The following BCAS4 variants were observed in gnomAD, a reference collection of about 807,000 sequenced individuals.
The protein encoded by BCAS4 is breast carcinoma-amplified sequence 4.
A neutral mutation model predicts 15.7 loss-of-function variants in BCAS4; 9 were observed. The ratio of observed to expected loss-of-function variants is 0.57; its 90% CI spans 0.34 to 1.00. The LOEUF is 1.00. Ranked by LOEUF, BCAS4 falls within the 50% of genes least tolerant of loss-of-function variation. BCAS4 has a pLI of 0.02. For missense variants in BCAS4, 225 were observed against 239.1 expected (o/e 0.94, Z 0.39); for synonymous variants, 101 against 99.5 (o/e 1.02, Z -0.09).
intron 1 of BCAS4, among the ~76,000 whole-genome samples, chr20:50,799,181 G>C (rs1237770225): frequency 1.3e-5 from 2 of 152,154 alleles, no homozygotes; most frequent in African/African-American, 2.4e-5. Flanking sequence ...CTAAGCCCCA[G>C]CTTCATTTTG....
At chr20:50,850,015 C>A (rs1220852184) in intron 4 of BCAS4, among the ~76,000 whole-genome samples, 2 of 152,180 alleles carry the variant, frequency 1.3e-5, no homozygotes, top group East Asian at 3.9e-4. Context: ...CTGCAGCCAG[C>A]ATAGCCCCAG....
At chr20:50,820,151 T>G (rs375538353) in intron 2 of BCAS4, among the ~76,000 whole-genome samples, 3 of 152,214 alleles carry the variant, frequency 2.0e-5, no homozygotes, top group Non-Finnish European at 4.4e-5. Flanking sequence ...CCGGCTGCAT[T>G]GGGCACTTTC....
chr20:50,822,341 A>C (rs1383051262), intron 2 of BCAS4, among the ~76,000 whole-genome samples: 1 of 152,232 alleles, frequency 6.6e-6, no homozygotes, highest in African/African-American at 2.4e-5. Flanking sequence ...GCAGTTACAC[A>C]GCCCAGCCAG....
intron 1 of BCAS4, among the ~76,000 whole-genome samples, chr20:50,814,080 T>TGGGCATGG (rs999445454): frequency 6.6e-6 from 1 of 152,174 alleles, no homozygotes; most frequent in Non-Finnish European, 1.5e-5. Context: ...GGATGATTTG[T>TGGGCATGG]GGGCATGGTG....
At chr20:50,827,985 C>G (rs1014366568) in intron 2 of BCAS4, among the ~76,000 whole-genome samples, 1 of 152,066 alleles carries the variant, frequency 6.6e-6, no homozygotes, top group African/African-American at 2.4e-5. Context: ...ACCTTGGCCT[C>G]CCGAACTGCT....
Position 50,812,282 on chromosome 20 carries a change from A to G in BCAS4, c.91-5929A>G, listed in dbSNP as rs1053091048. On this transcript the variant is annotated intron_variant, in intron 1 of 4. Transcript: ENST00000371608. ...CGAGTAGCTGGGACTACAGGCGCCC[A>G]CTACCACGCCCGGCTAATTTTTTGT... Among the ~76,000 whole-genome samples, 61 of 151,518 alleles carry G rather than the reference A, an allele frequency of 4.0e-4. 1 individual carries two copies. In the East Asian group the frequency reaches 0.011, roughly 26 times the overall value.
chr20:50,801,225 G>A (rs186698840), intron 1 of BCAS4, among the ~76,000 whole-genome samples: 12 of 152,196 alleles, frequency 7.9e-5, no homozygotes, highest in East Asian at 1.9e-4. Flanking sequence ...GCAGGAGTTC[G>A]AGACCAGGAT....
At chr20:50,848,613 C>G (rs961158504) in intron 4 of BCAS4, among the ~76,000 whole-genome samples, 1 of 152,196 alleles carries the variant, frequency 6.6e-6, no homozygotes, top group Admixed American at 6.5e-5. Flanking sequence ...GGGACTTGGC[C>G]AAATTTGCTT....
At chr20:50,823,316 G>A (rs148461893) in intron 2 of BCAS4, among the ~76,000 whole-genome samples, 1,750 of 152,118 alleles carry the variant, frequency 0.012, 22 homozygotes, top group Non-Finnish European at 0.02. Flanking sequence ...CTCCAGCCTC[G>A]GTGACAGAGT....
chr20:50,862,866 G>A (rs1568683580), intron 4 of BCAS4, among the ~76,000 whole-genome samples: 1 of 152,100 alleles, frequency 6.6e-6, no homozygotes, highest in Non-Finnish European at 1.5e-5. Flanking sequence ...TTGAGGCAGA[G>A]TCTCACTCTG....
downstream of BCAS4, chr20:50,881,359 A>G (rs1980113879): frequency 6.6e-6 from 1 of 152,234 alleles, no homozygotes. Flanking sequence ...TGGCAAAACC[A>G]ACGGAAAACT....
In BCAS4 at chr20:50,825,770, G is replaced by A. The variant is rs558598290; in HGVS notation, c.163-4509G>A. Among the ~76,000 whole-genome samples the A allele has an allele frequency of 3.9e-5, 6 of 152,176 alleles. No individual in the cohort carries two copies. In the East Asian group the frequency reaches 9.7e-4, roughly 25 times the overall value. The stretch of plus-strand genomic sequence containing the variant: ...CAGGTGCTTGTAATCCCAGCTACTC[G>A]GGAGGCTGAGGCAAGAGAATCACTT... On this transcript the variant is annotated intron_variant, in intron 2 of 4. Transcript: ENST00000371608.
chr20:50,858,428 C>A (rs1006841412), intron 4 of BCAS4, among the ~76,000 whole-genome samples: 1 of 151,614 alleles, frequency 6.6e-6, no homozygotes, highest in Non-Finnish European at 1.5e-5. Context: ...ATGGTGAAAC[C>A]CTGTCTGTAC....
chr20:50,839,106 C>A (rs1414882855), intron 3 of BCAS4, among the ~76,000 whole-genome samples: 1 of 152,230 alleles, frequency 6.6e-6, no homozygotes, highest in African/African-American at 2.4e-5. Flanking sequence ...GCAGCCAGCA[C>A]TGAGGTGTCC....
At chr20:50,828,897 A>T (rs2088310175) in intron 2 of BCAS4, among the ~76,000 whole-genome samples, 1 of 151,928 alleles carries the variant, frequency 6.6e-6, no homozygotes, top group South Asian at 2.1e-4. Context: ...CCGCCTCCAC[A>T]CTCCACGCCA....
At chr20:50,852,131 C>G (rs540320589) in intron 4 of BCAS4, among the ~76,000 whole-genome samples, 2 of 152,192 alleles carry the variant, frequency 1.3e-5, no homozygotes, top group Non-Finnish European at 2.9e-5. Context: ...GTGAGGAAAC[C>G]GAGGATCAGA....
chr20:50,835,761 C>G (rs184604290), intron 3 of BCAS4, among the ~76,000 whole-genome samples: 312 of 152,166 alleles, frequency 2.1e-3, no homozygotes, highest in Non-Finnish European at 3.6e-3. Context: ...GGCTGAGTGG[C>G]ACTCACCTCC....
intron 4 of BCAS4, among the ~76,000 whole-genome samples, chr20:50,848,949 C>T (rs577216579): frequency 2.6e-5 from 4 of 152,260 alleles, no homozygotes; most frequent in South Asian, 2.1e-4. Flanking sequence ...CGCCTGCTTG[C>T]GGAGGGCCCC....
At chr20:50,870,287 G>A (rs1254357315) in intron 4 of BCAS4, among the ~76,000 whole-genome samples, 3 of 152,222 alleles carry the variant, frequency 2.0e-5, no homozygotes. Context: ...GGAGATGCGG[G>A]TGGGCCCAGA....
Sources: allele counts gnomAD v4.1 joint callset (sites outside exome capture counted in the v4.1 genomes callset), GRCh38; gene constraint gnomAD v4.1.1; transcripts MANE v1.5; gene names NCBI Gene and HGNC (gene_info 2026-07-23, HGNC 2026-07-21).